TTC19: variants seen among roughly 807,000 people sequenced by gnomAD.
The protein encoded by TTC19 is tetratricopeptide repeat protein 19, mitochondrial.
TTC19 carries 38 observed loss-of-function variants against 49.5 expected under a neutral mutation model. That is an observed-to-expected ratio of 0.77 (90% CI 0.59 to 1.01). The LOEUF (loss-of-function observed/expected upper bound fraction) is 1.01, where lower values mean the gene tolerates loss of function less well. Among genes scored for constraint, TTC19 ranks in the 50% least tolerant of loss-of-function variants. The pLI, the probability that TTC19 is intolerant of heterozygous loss-of-function variation, is 0.00. For synonymous variants in TTC19, 204 were observed against 185.2 expected (o/e 1.10, Z -0.83); for missense variants, 475 against 477.7 (o/e 0.99, Z 0.05).
chr17:16,011,404 C>T (rs1971064773), intron 7 of TTC19, among the ~76,000 whole-genome samples: 1 of 152,094 alleles, frequency 6.6e-6, no homozygotes, highest in Admixed American at 6.5e-5. Flanking sequence ...GGTCTCCTGA[C>T]TTAGGTGATC....
At chr17:16,039,815 GTC>G (rs772841727) in intron 2 of TTC19, 59 of 639,362 alleles carry the variant, frequency 9.2e-5, no homozygotes, top group East Asian at 4.6e-4. Flanking sequence ...TGGAGACAGA[GTC>G]TCTCTCTGTC....
At chr17:16,044,714 G>T (rs544341098) in exon 3 of TTC19, 30 of 719,190 alleles carry the variant, frequency 4.2e-5, no homozygotes, top group African/African-American at 2.8e-4. Flanking sequence ...CAATGCCCTC[G>T]TTAAAGCAGC....
intron 7 of TTC19, among the ~76,000 whole-genome samples, chr17:16,013,512 AAC>A (rs1857988940): frequency 6.6e-6 from 1 of 152,092 alleles, no homozygotes; most frequent in African/African-American, 2.4e-5. Flanking sequence ...TTTATTTCTA[AAC>A]AGTTTTAACT....
rs181443630 is a variant in TTC19, at chr17:16,001,859, T to C, written c.313-56T>C. The C allele has an allele frequency of 4.2e-6, 5 of 1,193,106 alleles. No homozygotes were observed. In the Admixed American group the frequency reaches 8.5e-5, roughly 20 times the overall value. The allele number at this position is 1,193,106 out of a possible 1,614,324, so 73.9% of individuals were successfully genotyped here. A position where few individuals can be genotyped will look rare whatever the true frequency, so the allele number is the denominator to read the frequency against. ...TACAGTTGCATACACTTCTGTCTCT[T>C]AGCATATGCATCTACTATATGTTTC... On this transcript the variant is annotated intron_variant, in intron 2 of 9. Coordinates refer to ENST00000261647, the MANE Select transcript of TTC19 (RefSeq NM_017775.4).
downstream of TTC19, among the ~76,000 whole-genome samples, chr17:16,033,022 G>T (rs1567607881): frequency 1.3e-5 from 2 of 152,112 alleles, no homozygotes; most frequent in Non-Finnish European, 2.9e-5. Flanking sequence ...ATGTTTAACT[G>T]TCCCCAGAAA....
rs1970903925 is a variant in TTC19 at position 16,006,239 on chromosome 17, G to C, written c.582-235G>C. Among the ~76,000 whole-genome samples the C allele has an allele frequency of 2.0e-5, 3 of 152,184 alleles. No homozygotes were observed. The South Asian group carries it at 6.2e-4, about 31-fold the overall frequency. On this transcript the variant is annotated intron_variant, in intron 6 of 9. Coordinates refer to ENST00000261647, the MANE Select transcript of TTC19 (RefSeq NM_017775.4). ...AGCCTGGCCAACATGGTGAAACTCT[G>C]TCTTTACCAAAAATACAAAAATTAG...
rs1411729940 is a variant in TTC19 at position 16,027,973 on chromosome 17, A to T, written c.*451A>T. 1 of 454,156 alleles carries T rather than the reference A, an allele frequency of 2.2e-6. No individual in the cohort carries two copies. The highest frequency in any genetic ancestry group is 4.4e-6 in the Non-Finnish European group (1 of 226,964). 28.1% of individuals were successfully genotyped at this position (454,156 alleles called of 1,614,324 possible). A position where few individuals can be genotyped will look rare whatever the true frequency, so the allele number is the denominator to read the frequency against. ...ATTACCTTCCTCATGGCAAAGGGGG[A>T]TTATGGTGAATTGTTGTTCTTATAG... On this transcript the variant is annotated 3_prime_UTR_variant, in exon 10 of 10. Transcript: ENST00000261647.
chr17:16,038,991 G>A (rs1389416522), intron 2 of TTC19, among the ~76,000 whole-genome samples: 1 of 152,096 alleles, frequency 6.6e-6, no homozygotes, highest in Non-Finnish European at 1.5e-5. Context: ...GGATGGTCTC[G>A]ATCTCTTGAC....
Position 16,028,818 on chromosome 17 carries a change from CAAAAAAAAAAAAAAAAAAAAA to C in TTC19, c.*1304_*1324del. The C allele has an allele frequency of 1.0e-5, 1 of 98,102 alleles. No homozygotes were observed. The highest frequency in any genetic ancestry group is 2.0e-5 in the Non-Finnish European group (1 of 51,254). 6.1% of individuals were successfully genotyped at this position (98,102 alleles called of 1,614,324 possible). On this transcript the variant is annotated 3_prime_UTR_variant, in exon 10 of 10. Transcript: ENST00000261647. ...GTATCCCAGTAATCTTTGCATTTCT[CAAAAAAAAAAAAAAAAAAAAA>C]AAAAAAACTTTCTGAAGAAAATAAA... is the stretch of plus-strand genomic sequence containing the variant.
At chr17:16,037,687 T>C (rs1228680753) in intron 2 of TTC19, among the ~76,000 whole-genome samples, 1 of 152,156 alleles carries the variant, frequency 6.6e-6, no homozygotes, top group African/African-American at 2.4e-5. Flanking sequence ...AAATAATATG[T>C]AAAGGAAAAA....
chr17:16,032,440 G>A (rs367621678), downstream of TTC19: 13 of 1,612,766 alleles, frequency 8.1e-6, no homozygotes, highest in Middle Eastern at 3.3e-4. Flanking sequence ...GAGTACTGCT[G>A]AGCATCCGCA....
At chr17:16,039,402 C>G in intron 2 of TTC19, 1 of 1,598,572 alleles carries the variant, frequency 6.3e-7, no homozygotes, top group South Asian at 1.1e-5. Flanking sequence ...TGGGGAAAAG[C>G]AGCAGAAAAG....
At chr17:16,000,914 TA>T (rs1567575878) in intron 2 of TTC19, among the ~76,000 whole-genome samples, 1 of 152,210 alleles carries the variant, frequency 6.6e-6, no homozygotes, top group Admixed American at 6.5e-5. Flanking sequence ...AAAAACCTCA[TA>T]GTCATTCTTA....
At chr17:16,000,439 G>T in intron 2 of TTC19, 194 bp downstream of exon 2, 1 of 1,434,496 alleles carries the variant, frequency 7.0e-7, no homozygotes, top group Non-Finnish European at 9.2e-7. Context: ...TCTAAGGCCT[G>T]CAGTAAAACC....
chr17:16,029,854 G>C (rs1460473778), downstream of TTC19: 1 of 152,682 alleles, frequency 6.5e-6, no homozygotes, highest in Non-Finnish European at 1.5e-5. Flanking sequence ...TTATGATGAG[G>C]ATGGAGGGAG....
intron 2 of TTC19, among the ~76,000 whole-genome samples, chr17:16,041,895 C>T (rs1400849391): frequency 3.3e-5 from 5 of 152,164 alleles, no homozygotes; most frequent in African/African-American, 1.2e-4. Context: ...CGCCACTATG[C>T]CTGGCTAATT....
chr17:16,007,814 C>T (rs185365245), intron 7 of TTC19, among the ~76,000 whole-genome samples: 131 of 152,292 alleles, frequency 8.6e-4, no homozygotes, highest in Admixed American at 8.3e-3. Flanking sequence ...TAATATTTTT[C>T]GGACTCTGGT....
chr17:16,025,800 A>G (rs1971535881), intron 8 of TTC19, among the ~76,000 whole-genome samples: 1 of 152,180 alleles, frequency 6.6e-6, no homozygotes. Context: ...TTTTAACTGA[A>G]TGTGTCCCAA....
intron 7 of TTC19, chr17:16,024,661 TTC>T (rs1971493957): frequency 9.8e-6 from 3 of 304,912 alleles, no homozygotes; most frequent in Non-Finnish European, 1.9e-5. Flanking sequence ...ATTCTGAGTG[TTC>T]TCTGTCTTCT....
Sources: allele counts gnomAD v4.1 joint callset (sites outside exome capture counted in the v4.1 genomes callset), GRCh38; gene constraint gnomAD v4.1.1; transcripts MANE v1.5; gene names NCBI Gene and HGNC (gene_info 2026-07-23, HGNC 2026-07-21).